Variants in PCCB observed in about 807,000 individuals in gnomAD.
The protein encoded by PCCB is propionyl-CoA carboxylase beta chain, mitochondrial.
A neutral mutation model predicts 60.7 loss-of-function variants in PCCB; 43 were observed. The ratio of observed to expected loss-of-function variants is 0.71; its 90% CI spans 0.55 to 0.91. PCCB has a LOEUF of 0.91. PCCB is among the 40% of genes least tolerant of loss of function. The pLI, the probability that PCCB is intolerant of heterozygous loss-of-function variation, is 0.00. For missense variants in PCCB, 766 were observed against 702.8 expected, an observed-to-expected ratio of 1.09 and a Z score of -1.02; for synonymous variants, 276 against 255.9, an observed-to-expected ratio of 1.08 and a Z score of -0.75.
chr3:136,299,842 A>G (rs571321711), intron 8 of PCCB, among the ~76,000 whole-genome samples: 1 of 151,674 alleles, frequency 6.6e-6, no homozygotes, highest in Non-Finnish European at 1.5e-5. Flanking sequence ...ATGCATGTGT[A>G]TGTATATGCA....
Position 136,301,078 on chromosome 3 carries a change from C to G in PCCB, c.933C>G (p.Thr311=), listed in dbSNP as rs776005016. 6.8e-6 allele frequency: 11 copies of G among 1,614,050 alleles called. No individual in the cohort carries two copies. The highest frequency in any genetic ancestry group is 6.8e-6 in the Non-Finnish European group (8 of 1,179,904). ...ELDTIVPLES[T]KAYNMVDIIH... Reference sequence around the variant, plus strand: ...ACACAATTGTCCCTTTGGAATCAACCAAAGCCTACAACATGGTGGACATCA... The same window carrying G: ...ACACAATTGTCCCTTTGGAATCAACGAAAGCCTACAACATGGTGGACATCA... Residue 311 remains threonine (T), a synonymous_variant, in exon 9 of 15, where the codon ACC becomes ACG. Coordinates refer to ENST00000251654, the MANE Select transcript of PCCB (RefSeq NM_000532.5).
intron 9 of PCCB, among the ~76,000 whole-genome samples, chr3:136,311,812 A>G (rs1481720820): frequency 6.6e-6 from 1 of 152,150 alleles, no homozygotes. Context: ...AAAACATTAA[A>G]ATAGACTTGA....
intron 9 of PCCB, among the ~76,000 whole-genome samples, chr3:136,308,424 C>T (rs984084331): frequency 1.3e-5 from 2 of 152,142 alleles, no homozygotes; most frequent in East Asian, 3.8e-4. Context: ...TATCGAATAT[C>T]TGTGCCAGAA....
chr3:136,310,372 A>G (rs1934615466), intron 9 of PCCB, among the ~76,000 whole-genome samples: 1 of 152,058 alleles, frequency 6.6e-6, no homozygotes, highest in East Asian at 1.9e-4. Context: ...TAAAAAAAAA[A>G]AAAAGCCAGG....
intron 8 of PCCB, among the ~76,000 whole-genome samples, chr3:136,299,307 T>TATACATACATGTATACATATTTGTGC (rs1934088173): frequency 1.3e-5 from 2 of 152,066 alleles, no homozygotes; most frequent in Middle Eastern, 3.2e-3. Flanking sequence ...CATATATATG[T>TATACATACATGTATACATATTTGTGC]ATACATACAT....
At chr3:136,259,448 G>C (rs1272097220) in intron 3 of PCCB, among the ~76,000 whole-genome samples, 1 of 152,196 alleles carries the variant, frequency 6.6e-6, no homozygotes. Flanking sequence ...CTGGGTGACA[G>C]AGCAAGACTT....
intron 2 of PCCB, 119 bp downstream of exon 2, chr3:136,256,094 C>T: frequency 1.4e-6 from 2 of 1,395,196 alleles, no homozygotes; most frequent in Non-Finnish European, 2.0e-6. Flanking sequence ...GCACTGCAGA[C>T]ATCAAGCCCA....
At chr3:136,328,089 C>T (rs1027838296) in intron 13 of PCCB, among the ~76,000 whole-genome samples, 2 of 152,168 alleles carry the variant, frequency 1.3e-5, no homozygotes, top group African/African-American at 4.8e-5. Context: ...CCCAGCTCCA[C>T]CTCAGCTTCC....
At chr3:136,270,289 A>T (rs1942158983) in intron 5 of PCCB, among the ~76,000 whole-genome samples, 2 of 152,104 alleles carry the variant, frequency 1.3e-5, no homozygotes, top group Non-Finnish European at 2.9e-5. Context: ...GTACTTTTGA[A>T]TCAATATTAG....
At chr3:136,288,781 C>T (rs1560013072) in intron 6 of PCCB, among the ~76,000 whole-genome samples, 1 of 152,082 alleles carries the variant, frequency 6.6e-6, no homozygotes, top group Non-Finnish European at 1.5e-5. Flanking sequence ...CACATGCCAA[C>T]ACACCTGGCT....
chr3:136,256,522 T>C, intron 2 of PCCB, 33 bp from the exon 3 acceptor site: 2 of 1,549,134 alleles, frequency 1.3e-6, no homozygotes, highest in Non-Finnish European at 1.8e-6. Flanking sequence ...GTATTTGGAT[T>C]TTTTAACCTT....
In PCCB at chr3:136,297,943, T is replaced by G. The variant is rs1249004649; in HGVS notation, c.764-9T>G. 1 of 1,614,086 alleles carries G rather than the reference T, an allele frequency of 6.2e-7. No homozygotes were observed. The highest frequency in any genetic ancestry group is 1.1e-5 in the South Asian group (1 of 91,082). Reference sequence around the variant, plus strand: ...CTGACTCAATCATATATGCTCCCTGTTCTCTTAGGTGTGGCCCACAGAGCT... The same window carrying G: ...CTGACTCAATCATATATGCTCCCTGGTCTCTTAGGTGTGGCCCACAGAGCT... On this transcript the variant is annotated splice_polypyrimidine_tract_variant and intron_variant, in intron 7 of 14. Coordinates refer to ENST00000251654, the MANE Select transcript of PCCB (RefSeq NM_000532.5).
At chr3:136,259,784 G>A (rs935365799) in intron 3 of PCCB, among the ~76,000 whole-genome samples, 3 of 152,014 alleles carry the variant, frequency 2.0e-5, no homozygotes, top group Admixed American at 6.6e-5. Flanking sequence ...ACAGAGTCTC[G>A]CTCTGTCGCC....
At chr3:136,259,082 T>G (rs1278184071) in intron 3 of PCCB, 1 of 1,227,134 alleles carries the variant, frequency 8.1e-7, no homozygotes, top group Non-Finnish European at 1.0e-6. Context: ...ATGCCCACAA[T>G]AAGCCCTTTA....
chr3:136,251,548 C>T (rs929622029), intron 1 of PCCB, among the ~76,000 whole-genome samples: 3 of 152,126 alleles, frequency 2.0e-5, no homozygotes, highest in African/African-American at 7.2e-5. Flanking sequence ...TGACAAGGGT[C>T]CAAAGGTAAC....
rs1462411928 is a variant in PCCB at position 136,250,519 on chromosome 3, G to A, written c.144G>A (p.Leu48=). Reference sequence around the variant, plus strand: ...AAAACAAGCGCCGGACCGCGCTGCTGGGAGGGGGCCAACGCCGTATTGACG... The same window carrying A: ...AAAACAAGCGCCGGACCGCGCTGCTAGGAGGGGGCCAACGCCGTATTGACG... ...RIENKRRTAL[L]GGGQRRIDAQ... The change falls in exon 1 of 15, where the codon CTG becomes CTA. Residue 48 remains leucine (L), a synonymous_variant. Coordinates refer to ENST00000251654, the MANE Select transcript of PCCB (RefSeq NM_000532.5). 4.3e-6 allele frequency: 7 copies of A among 1,613,036 alleles called. No individual in the cohort carries two copies. The highest frequency in any genetic ancestry group is 2.2e-5 in the South Asian group (2 of 91,024).
intron 10 of PCCB, 124 bp downstream of exon 10, chr3:136,317,188 T>G (rs1243375335): frequency 4.3e-6 from 3 of 695,816 alleles, no homozygotes; most frequent in Non-Finnish European, 7.1e-6. Context: ...GAGGAAAAAA[T>G]CTAAATGGTT....
In PCCB at chr3:136,293,700, GCT is replaced by G. The variant is rs1560015755; in HGVS notation, c.655-55_655-54del. 9 of 1,071,646 alleles carry G rather than the reference GCT, an allele frequency of 8.4e-6. No individual in the cohort carries two copies. In the African/African-American group the frequency reaches 1.1e-4, roughly 13 times the overall value. The allele number at this position is 1,071,646 out of a possible 1,614,324, so 66.4% of individuals were successfully genotyped here. On this transcript the variant is annotated intron_variant, in intron 6 of 14. Coordinates refer to ENST00000251654, the MANE Select transcript of PCCB (RefSeq NM_000532.5). ...TCATCTTGGCTGAATCAACTCTAAG[GCT>G]GTGACCAGCTCTGGTGCTCTGAGGT...
In PCCB at chr3:136,261,139, T is replaced by C. The variant is rs1006351870; in HGVS notation, c.429+604T>C. Among the ~76,000 whole-genome samples, 3 of 152,310 alleles carry C rather than the reference T, an allele frequency of 2.0e-5. No homozygotes were observed. The East Asian group carries it at 5.8e-4, about 29-fold the overall frequency. On this transcript the variant is annotated intron_variant, in intron 4 of 14. Coordinates refer to ENST00000251654, the MANE Select transcript of PCCB (RefSeq NM_000532.5). ...AGGATTTCAAGTGAAGAACCTCTTG[T>C]CTAGGTGGAAGGGCCAGGTGCTAGA...
Sources: allele counts gnomAD v4.1 joint callset (sites outside exome capture counted in the v4.1 genomes callset), GRCh38; gene constraint gnomAD v4.1.1; transcripts MANE v1.5; gene names NCBI Gene and HGNC (gene_info 2026-07-23, HGNC 2026-07-21).